Variants in PIGG observed in about 807,000 individuals in gnomAD.
PIGG encodes the protein phosphatidylinositol glycan anchor biosynthesis class G (EMM blood group), also known as GPI ethanolamine phosphate transferase 2, catalytic subunit.
Under a neutral mutation model 83.2 loss-of-function variants are expected in PIGG, and 70 were observed. The observed-to-expected ratio is 0.84, with a 90% CI of 0.69 to 1.03. The LOEUF is 1.03. Ranked by LOEUF, PIGG falls within the 50% of genes least tolerant of loss-of-function variation. PIGG has a pLI of 0.00. For synonymous variants in PIGG, 532 were observed against 519.5 expected, an observed-to-expected ratio of 1.02 and a Z score of -0.33; for missense variants, 1,257 against 1,233.6, an observed-to-expected ratio of 1.02 and a Z score of -0.28.
chr4:535,084 G>A (rs921787839), intron 12 of PIGG, among the ~76,000 whole-genome samples: 6 of 152,218 alleles, frequency 3.9e-5, no homozygotes, highest in Non-Finnish European at 7.3e-5. Flanking sequence ...GGCTTCACCC[G>A]CTCTGTTCAC....
intron 11 of PIGG, 155 bp from the exon 12 acceptor site, chr4:533,663 G>T: frequency 1.5e-6 from 1 of 673,422 alleles, no homozygotes; most frequent in South Asian, 1.8e-5. Flanking sequence ...TGAAGGAACG[G>T]CTGGGCAGCC....
At chr4:500,357 T>G in intron 1 of PIGG, 39 bp from the exon 2 acceptor site, 1 of 1,451,238 alleles carries the variant, frequency 6.9e-7, no homozygotes, top group Non-Finnish European at 9.7e-7. Context: ...TAAGGAAAGT[T>G]TAGAGTTCAA....
Position 521,014 on chromosome 4 carries a change from C to A in PIGG, c.1115-42C>A, listed in dbSNP as rs145052267. The A allele has an allele frequency of 1.7e-5, 23 of 1,316,544 alleles. No individual in the cohort carries two copies. In the East Asian group the frequency reaches 5.1e-4, roughly 29 times the overall value. The allele number at this position is 1,316,544 out of a possible 1,614,324, so 81.6% of individuals were successfully genotyped here. A position where few individuals can be genotyped will look rare whatever the true frequency, so the allele number is the denominator to read the frequency against. ...GATTATGTATATAAATGTATGTTCA[C>A]GGTGTGTGTGCGCGCCTGTAACCTT... On this transcript the variant is annotated intron_variant, in intron 6 of 12. Transcript: ENST00000453061.
At chr4:534,930 A>G (rs936559541) in intron 12 of PIGG, among the ~76,000 whole-genome samples, 1 of 150,830 alleles carries the variant, frequency 6.6e-6, no homozygotes. Flanking sequence ...TTTGTGCAGA[A>G]GTTCTCCCGG....
At chr4:526,733 T>C (rs1420046015) in intron 9 of PIGG, among the ~76,000 whole-genome samples, 1 of 150,304 alleles carries the variant, frequency 6.7e-6, no homozygotes, top group African/African-American at 2.5e-5. Context: ...TTTTTTTTTT[T>C]AATGAGTTCT....
intron 6 of PIGG, among the ~76,000 whole-genome samples, chr4:518,353 G>A (rs1191515567): frequency 1.3e-5 from 2 of 152,194 alleles, no homozygotes; most frequent in South Asian, 4.1e-4. Flanking sequence ...CAGCACTTTG[G>A]GAGGCTGAGG....
Position 527,132 on chromosome 4 carries a change from G to A in PIGG, c.2163G>A (p.Lys721=). The A allele has an allele frequency of 6.2e-7, 1 of 1,614,182 alleles. No individual in the cohort carries two copies. Among genetic ancestry groups the A allele is most frequent in the African/African-American group, 1.3e-5 (1 of 75,046 alleles). The change falls in exon 10 of 13, where the codon AAG becomes AAA. Residue 721 remains lysine, a synonymous_variant. Transcript: ENST00000453061. ...LVQRGCSPVS[K]AALALGLLGV... ...AGAGGGGGTGCTCCCCTGTGTCCAA[G>A]GCTGCCCTGGCGCTGGGGCTGCTGG...
chr4:500,185 T>C, intron 1 of PIGG: 1 of 584,350 alleles, frequency 1.7e-6, no homozygotes, highest in South Asian at 2.0e-5. Context: ...ATTCACTGCT[T>C]GCTACTGTGG....
At chr4:526,056 A>G (rs530216731) in intron 9 of PIGG, among the ~76,000 whole-genome samples, 19 of 152,274 alleles carry the variant, frequency 1.2e-4, no homozygotes, top group South Asian at 1.2e-3. Context: ...CCCCAACCGC[A>G]TTATCCGCGG....
chr4:531,193 C>G, intron 11 of PIGG: 1 of 169,054 alleles, frequency 5.9e-6, no homozygotes, highest in Non-Finnish European at 1.3e-5. Context: ...AAGACCCATC[C>G]CAGACAAGCC....
intron 11 of PIGG, 148 bp downstream of exon 11, chr4:530,893 A>T (rs1321184076): frequency 1.6e-6 from 1 of 636,548 alleles, no homozygotes; most frequent in Non-Finnish European, 2.7e-6. Flanking sequence ...ATTTTATAAG[A>T]CAAAGTACAG....
chr4:534,795 C>T (rs1179230997), intron 12 of PIGG, among the ~76,000 whole-genome samples: 2 of 152,086 alleles, frequency 1.3e-5, no homozygotes, highest in African/African-American at 4.8e-5. Context: ...CCCGGGGGAT[C>T]CCAGATCAAG....
intron 12 of PIGG, among the ~76,000 whole-genome samples, chr4:534,888 G>GC (rs992855327): frequency 6.6e-6 from 1 of 151,366 alleles, no homozygotes; most frequent in Non-Finnish European, 1.5e-5. Context: ...CAAGGGCGCA[G>GC]CCCCCCATCC....
chr4:527,417 A>T, intron 10 of PIGG, 187 bp downstream of exon 10: 1 of 1,329,122 alleles, frequency 7.5e-7, no homozygotes, highest in Non-Finnish European at 9.6e-7. Context: ...AACTAAGAAA[A>T]CCTCAACCAG....
chr4:521,565 G>C, intron 7 of PIGG, 95 bp from the exon 8 acceptor site: 3 of 1,187,398 alleles, frequency 2.5e-6, no homozygotes, highest in Non-Finnish European at 3.6e-6. Context: ...TTTTTACTGT[G>C]TGGACAGCTG....
At position 499,487 on chromosome 4, in the gene PIGG, C is replaced by G; in HGVS notation, c.152C>G (p.Ala51Gly). The stretch of plus-strand genomic sequence containing the variant: ...GAGCCCCCAGCGCCCGAACCCTCGG[C>G]TGGTACGGACCCCTCCCCGGCGTCT... ...GAEPPAPEPS[A>G]GASSNWTTLP... Residue 51 changes from alanine (A) to glycine (G), a missense_variant and splice_region_variant, in exon 1 of 13, where the codon GCT (alanine) becomes GGT (glycine). Coordinates refer to ENST00000453061, the MANE Select transcript of PIGG (RefSeq NM_001127178.3). 1 of 1,595,360 alleles carries G rather than the reference C, an allele frequency of 6.3e-7. No individual in the cohort carries two copies. Among genetic ancestry groups the G allele is most frequent in the South Asian group, 1.1e-5 (1 of 90,226 alleles).
intron 6 of PIGG, among the ~76,000 whole-genome samples, chr4:518,455 T>C (rs1195218207): frequency 2.0e-5 from 3 of 152,070 alleles, no homozygotes; most frequent in East Asian, 1.9e-4. Flanking sequence ...TAGTTGGGCA[T>C]GGTGGCAGGC....
chr4:509,439 C>T (rs1418422796), intron 5 of PIGG, among the ~76,000 whole-genome samples: 1 of 152,226 alleles, frequency 6.6e-6, no homozygotes, highest in Non-Finnish European at 1.5e-5. Context: ...CCCACTCTGA[C>T]CTGTGCCCAG....
rs566530251 is a variant in PIGG at position 506,520 on chromosome 4, C to T, written c.570+593C>T. On this transcript the variant is annotated intron_variant, in intron 3 of 12. Transcript: ENST00000453061. ...CAGCTTCACCTCCTAGATGGCTGGG[C>T]CTTATGGAGCATCTGTAGTCCTATC... 3.3e-5 allele frequency among the ~76,000 whole-genome samples: 5 copies of T among 152,310 alleles called. No individual in the cohort carries two copies. The South Asian group carries it at 1.0e-3, about 32-fold the overall frequency.
Sources: gnomAD v4.1 joint callset for allele counts (sites outside exome capture counted in the v4.1 genomes callset) on GRCh38, gnomAD v4.1.1 for gene constraint, MANE v1.5 for transcripts, NCBI Gene and HGNC (gene_info 2026-07-23, HGNC 2026-07-21) for gene names.